Variants in KCTD10 observed in about 807,000 individuals in gnomAD.
KCTD10 encodes the protein potassium channel tetramerization domain containing 10.
Under a neutral mutation model 34.6 loss-of-function variants are expected in KCTD10, and 13 were observed. The observed-to-expected ratio is 0.38, with a 90% CI of 0.24 to 0.60. KCTD10 has a LOEUF of 0.60. Among genes scored for constraint, KCTD10 ranks in the 20% least tolerant of loss-of-function variants. KCTD10 has a pLI of 0.66. For synonymous variants in KCTD10, 156 were observed against 168.8 expected, an observed-to-expected ratio of 0.92 and a Z score of 0.59; for missense variants, 256 against 420.3, an observed-to-expected ratio of 0.61 and a Z score of 3.42.
chr12:109,453,362 A>T (rs142636502), intron 6 of KCTD10, among the ~76,000 whole-genome samples: 1,813 of 152,058 alleles, frequency 0.012, 19 homozygotes, highest in Non-Finnish European at 0.018. Context: ...GCTATTTTTT[A>T]AAAAATTTTT....
chr12:109,460,374 C>T lies in KCTD10; in HGVS notation c.387+262G>A, dbSNP rs2135655732. The T allele has an allele frequency of 2.2e-6, 1 of 446,720 alleles. No homozygotes were observed. The highest frequency in any genetic ancestry group is 4.1e-5 in the East Asian group (1 of 24,174). The allele number at this position is 446,720 out of a possible 1,614,324, so 27.7% of individuals were successfully genotyped here. On this transcript the variant is annotated intron_variant, in intron 3 of 6. Coordinates refer to ENST00000228495, the MANE Select transcript of KCTD10 (RefSeq NM_031954.5). The surrounding 1 kb of genome is among the most constrained non-coding windows in gnomAD (Gnocchi z 4.5). ...AAGTTTCACACCGCGGGGTTCTCTGCTGAAGGGTTGAGATGTACACATGAG... is the reference window on the plus strand; with the variant it reads ...AAGTTTCACACCGCGGGGTTCTCTGTTGAAGGGTTGAGATGTACACATGAG...
Position 109,460,864 on chromosome 12 carries a change from AGCAGAGCTGGGGTGTCTCTCG to A in KCTD10, c.218-80_218-60del. On this transcript the variant is annotated intron_variant, in intron 2 of 6. Coordinates refer to ENST00000228495, the MANE Select transcript of KCTD10 (RefSeq NM_031954.5). The surrounding 1 kb of genome is among the most constrained non-coding windows in gnomAD (Gnocchi z 4.5). ...GGCCCTCCTCTTGTGGGAGGCCCTG[AGCAGAGCTGGGGTGTCTCTCG>A]GCTCCCTCTACCTCCCAGCGGAGAG... The A allele has an allele frequency of 6.5e-7, 1 of 1,550,246 alleles. No individual in the cohort carries two copies.
intron 1 of KCTD10, among the ~76,000 whole-genome samples, chr12:109,475,660 T>G (rs1874155615): frequency 6.6e-6 from 1 of 152,162 alleles, no homozygotes; most frequent in Non-Finnish European, 1.5e-5. Context: ...TTTAACCAGC[T>G]TTATCTAAGA....
intron 3 of KCTD10, 173 bp from the exon 4 acceptor site, chr12:109,458,251 CAGT>C (rs1873131907): frequency 3.4e-6 from 2 of 595,016 alleles, no homozygotes; most frequent in Non-Finnish European, 6.0e-6. Flanking sequence ...TTGAATTTCC[CAGT>C]AAGTCTGCTC....
Position 109,448,700 on chromosome 12 carries a change from C to T in KCTD10, c.*2895G>A, listed in dbSNP as rs965097319. ...TTACATGTCGCCAACGTTTGTACAA[C>T]ATACAGTGGCTACATCTAAAACTTT... On this transcript the variant is annotated 3_prime_UTR_variant, in exon 7 of 7. Transcript: ENST00000228495. 3 of 152,244 alleles carry T rather than the reference C, an allele frequency of 2.0e-5. No homozygotes were observed. The highest frequency in any genetic ancestry group is 6.5e-5 in the Admixed American group (1 of 15,286). The allele number at this position is 152,244 out of a possible 1,614,324, so 9.4% of individuals were successfully genotyped here. A position where few individuals can be genotyped will look rare whatever the true frequency, so the allele number is the denominator to read the frequency against.
At chr12:109,464,940 C>G (rs1306591355) in intron 2 of KCTD10, 1 of 445,742 alleles carries the variant, frequency 2.2e-6, no homozygotes, top group Admixed American at 2.4e-5. Context: ...GGAATAAACT[C>G]TAGGGCTGAG....
intron 5 of KCTD10, 148 bp from the exon 6 acceptor site, chr12:109,456,461 A>G (rs1873023771): frequency 1.5e-6 from 1 of 689,322 alleles, no homozygotes; most frequent in Non-Finnish European, 2.6e-6. Flanking sequence ...AGGCACTCCA[A>G]TCTCCATCAC....
intron 1 of KCTD10, chr12:109,470,808 G>T: frequency 5.8e-6 from 1 of 172,062 alleles, no homozygotes; most frequent in Non-Finnish European, 1.2e-5. Flanking sequence ...GCTAATAGGA[G>T]TTATAGCTGC....
chr12:109,460,712 T>G lies in KCTD10; in HGVS notation c.311A>C (p.Glu104Ala), dbSNP rs565712603. The G allele has an allele frequency of 1.9e-6, 3 of 1,614,078 alleles. No homozygotes were observed. In the African/African-American group the frequency reaches 4.0e-5, roughly 22 times the overall value. Reference protein sequence around the residue: ...GAVPLPESRREIEELLAEAKY... With the variant: ...GAVPLPESRRAIEELLAEAKY... Reference sequence around the variant, plus strand: ...GGCTTCTGCTAGCAGCTCCTCGATCTCCCGGCGGCTCTCGGGTAAAGGCAC... The same window carrying G: ...GGCTTCTGCTAGCAGCTCCTCGATCGCCCGGCGGCTCTCGGGTAAAGGCAC... Residue 104 changes from glutamate to alanine, a missense_variant, in exon 3 of 7, where the codon GAG becomes GCG. Glu to Ala is a moderately radical substitution (Grantham distance 107). Coordinates refer to ENST00000228495, the MANE Select transcript of KCTD10 (RefSeq NM_031954.5). The surrounding 1 kb of genome is among the most constrained non-coding windows in gnomAD (Gnocchi z 4.5).
Position 109,457,593 on chromosome 12 carries a change from T to C in KCTD10, c.527+37A>G, listed in dbSNP as rs190694988. ...TGGCTGGTGTGAGTGGAGGTTTTCC[T>C]AGTAAATGGAGCTGTCTTTCCCGGC... On this transcript the variant is annotated intron_variant, in intron 5 of 6. Transcript: ENST00000228495. The C allele has an allele frequency of 1.5e-3, 2,396 of 1,601,686 alleles. 10 individuals are homozygous for C. The highest frequency in any genetic ancestry group is 1.2e-3 in the Non-Finnish European group (1,412 of 1,168,598).
In KCTD10 at chr12:109,451,581, G is replaced by C. The variant is rs369203016; in HGVS notation, c.*14C>G. 32 of 1,592,952 alleles carry C rather than the reference G, an allele frequency of 2.0e-5. No homozygotes were observed. Among genetic ancestry groups the C allele is most frequent in the African/African-American group, 6.7e-5 (5 of 74,628 alleles). ...GGGGGCGGTGAGAGGAGGGCGGCTCGGTCTCTTGCCTGCTCACTGGTGGAG... is the reference window on the plus strand; with the variant it reads ...GGGGGCGGTGAGAGGAGGGCGGCTCCGTCTCTTGCCTGCTCACTGGTGGAG... On this transcript the variant is annotated 3_prime_UTR_variant, in exon 7 of 7. Coordinates refer to ENST00000228495, the MANE Select transcript of KCTD10 (RefSeq NM_031954.5). This position sits in a 1 kb window ranked among gnomAD's most constrained non-coding sequence, Gnocchi z 5.0.
intron 2 of KCTD10, among the ~76,000 whole-genome samples, chr12:109,461,777 G>C (rs376416932): frequency 6.6e-6 from 1 of 151,938 alleles, no homozygotes; most frequent in African/African-American, 2.4e-5. Flanking sequence ...AGACAGATGA[G>C]AGGGTGAAGT....
intron 6 of KCTD10, among the ~76,000 whole-genome samples, chr12:109,453,423 G>A (rs1872873248): frequency 6.6e-6 from 1 of 152,154 alleles, no homozygotes; most frequent in Non-Finnish European, 1.5e-5. Context: ...TAAACTCCTG[G>A]ACTCAAGCAA....
chr12:109,458,893 A>G (rs1373706190), intron 3 of KCTD10: 2 of 152,266 alleles, frequency 1.3e-5, no homozygotes, highest in African/African-American at 4.8e-5. Flanking sequence ...CTGCCTTATC[A>G]CCCACAATGC....
At chr12:109,471,616 C>G (rs146982659) in intron 1 of KCTD10, among the ~76,000 whole-genome samples, 1 of 152,250 alleles carries the variant, frequency 6.6e-6, no homozygotes, top group African/African-American at 2.4e-5. Context: ...ACAGTTATGA[C>G]CAGCCACCTC....
chr12:109,456,400 A>G, intron 5 of KCTD10, 87 bp from the exon 6 acceptor site: 3 of 1,170,808 alleles, frequency 2.6e-6, no homozygotes, highest in Non-Finnish European at 3.8e-6. Flanking sequence ...GGCCCTACTG[A>G]GCCCACTTTC....
In KCTD10 at chr12:109,451,398, C is replaced by T. The variant is rs1274718138; in HGVS notation, c.*197G>A. ...GAGATCTTAGACACAGCTTGTTCAACGACAGGGGTCATACGCCTGGGTCAA... is the reference window on the plus strand; with the variant it reads ...GAGATCTTAGACACAGCTTGTTCAATGACAGGGGTCATACGCCTGGGTCAA... On this transcript the variant is annotated 3_prime_UTR_variant, in exon 7 of 7. Coordinates refer to ENST00000228495, the MANE Select transcript of KCTD10 (RefSeq NM_031954.5). The surrounding 1 kb of genome is among the most constrained non-coding windows in gnomAD (Gnocchi z 5.0). 1.1e-5 allele frequency: 6 copies of T among 555,948 alleles called. No homozygotes were observed. The highest frequency in any genetic ancestry group is 3.8e-5 in the African/African-American group (2 of 52,700). 34.4% of individuals were successfully genotyped at this position (555,948 alleles called of 1,614,324 possible).
chr12:109,470,494 T>C, intron 1 of KCTD10: 1 of 985,334 alleles, frequency 1.0e-6, no homozygotes, highest in Non-Finnish European at 1.2e-6. Flanking sequence ...GCCTGGAAAG[T>C]GAGATTGGTA....
intron 2 of KCTD10, among the ~76,000 whole-genome samples, chr12:109,467,665 C>A (rs1394731097): frequency 6.6e-6 from 1 of 151,980 alleles, no homozygotes; most frequent in Non-Finnish European, 1.5e-5. Flanking sequence ...ATACCATTAG[C>A]TTTTCATAAT....
Sources: gnomAD v4.1 joint callset for allele counts (sites outside exome capture counted in the v4.1 genomes callset) on GRCh38, gnomAD v4.1.1 for gene constraint, Gnocchi (gnomAD v3.1) non-coding constraint, MANE v1.5 for transcripts, NCBI Gene and HGNC (gene_info 2026-07-23, HGNC 2026-07-21) for gene names.